Variants in CNTN1 observed in about 807,000 individuals in gnomAD.
The protein encoded by CNTN1 is contactin-1.
A neutral mutation model predicts 126.4 loss-of-function variants in CNTN1; 38 were observed. The observed-to-expected ratio is 0.30, with a 90% confidence interval of 0.23 to 0.39. The LOEUF (loss-of-function observed/expected upper bound fraction) is 0.39. Among genes scored for constraint, CNTN1 ranks in the 10% least tolerant of loss-of-function variants. The probability of loss-of-function intolerance (pLI) is 1.00; values close to 1 mark genes in which losing one functional copy is unlikely to be tolerated. For missense variants in CNTN1, 1,009 were observed against 1,248.4 expected (o/e 0.81, Z 2.89); for synonymous variants, 413 against 422.6 (o/e 0.98, Z 0.28).
intron 1 of CNTN1, among the ~76,000 whole-genome samples, chr12:40,772,473 A>G (rs1939379934): frequency 6.6e-6 from 1 of 151,930 alleles, no homozygotes; most frequent in African/African-American, 2.4e-5. Context: ...GAAGAAGCAA[A>G]ATAGAGGGGA....
At chr12:40,824,431 A>G (rs1173620508) in intron 1 of CNTN1, among the ~76,000 whole-genome samples, 1 of 152,152 alleles carries the variant, frequency 6.6e-6, no homozygotes, top group African/African-American at 2.4e-5. Context: ...AAACTGTGTT[A>G]AGTAATGTAA....
At chr12:40,957,459 T>G (rs1946929905) in intron 14 of CNTN1, among the ~76,000 whole-genome samples, 1 of 151,454 alleles carries the variant, frequency 6.6e-6, no homozygotes, top group Non-Finnish European at 1.5e-5. Context: ...TTTTTTTTTT[T>G]TTGATATAAC....
intron 18 of CNTN1, among the ~76,000 whole-genome samples, chr12:41,015,839 A>G (rs2120739333): frequency 6.6e-6 from 1 of 152,314 alleles, no homozygotes; most frequent in Admixed American, 6.5e-5. Context: ...ATAGGTGATT[A>G]GGGCTGACAT....
At chr12:40,746,490 T>C (rs1050818064) in intron 1 of CNTN1, among the ~76,000 whole-genome samples, 1 of 152,142 alleles carries the variant, frequency 6.6e-6, no homozygotes, top group South Asian at 2.1e-4. Flanking sequence ...GAGTAAAAGT[T>C]TATTTAAAAG....
chr12:40,876,282 T>C lies in CNTN1; in HGVS notation c.-76-32075T>C, dbSNP rs118119250. Among the ~76,000 whole-genome samples, 100 of 152,260 alleles carry C rather than the reference T, an allele frequency of 6.6e-4. 1 individual carries two copies. Among genetic ancestry groups the C allele is most frequent in the Non-Finnish European group, 1.1e-3 (75 of 67,964 alleles). On this transcript the variant is annotated intron_variant, in intron 1 of 23. Coordinates refer to ENST00000551295, the MANE Select transcript of CNTN1 (RefSeq NM_001843.4). ...TGAGAAAGAAAACACTTCAAGTGTT[T>C]AAACATTTCTAAAATCAAATTCAAA... is the stretch of plus-strand genomic sequence containing the variant.
rs36133223 is a variant in CNTN1 at position 40,812,943 on chromosome 12, A to AT, written c.-76-95398dup. 9.9e-3 allele frequency among the ~76,000 whole-genome samples: 1,300 copies of AT among 131,684 alleles called. 15 individuals carry two copies. The highest frequency in any genetic ancestry group is 0.05 in the East Asian group (218 of 4,340). The allele number at this position is 131,684 out of a possible 152,430, so 86.4% of individuals were successfully genotyped here. ...AGGACTTAATACTGCCAGTTTGTTA[A>AT]TTTTTTTTTTTTTTTTGGTTGTTTT... On this transcript the variant is annotated intron_variant, in intron 1 of 23. Coordinates refer to ENST00000551295, the MANE Select transcript of CNTN1 (RefSeq NM_001843.4).
At chr12:40,843,495 C>T (rs534835493) in intron 1 of CNTN1, among the ~76,000 whole-genome samples, 39 of 152,268 alleles carry the variant, frequency 2.6e-4, no homozygotes, top group African/African-American at 9.1e-4. Flanking sequence ...CTGCTTATCT[C>T]TCCATATCCC....
At chr12:40,847,475 A>G (rs1942554496) in intron 1 of CNTN1, among the ~76,000 whole-genome samples, 1 of 152,184 alleles carries the variant, frequency 6.6e-6, no homozygotes, top group Non-Finnish European at 1.5e-5. Context: ...ACTTCAAATC[A>G]GCCAAAACTT....
At chr12:40,879,533 T>A (rs921954940) in intron 1 of CNTN1, among the ~76,000 whole-genome samples, 1 of 152,030 alleles carries the variant, frequency 6.6e-6, no homozygotes, top group African/African-American at 2.4e-5. Flanking sequence ...ATGAGCCAAA[T>A]GATGGGGATT....
At chr12:40,870,644 G>T (rs539945312) in intron 1 of CNTN1, among the ~76,000 whole-genome samples, 1 of 152,094 alleles carries the variant, frequency 6.6e-6, no homozygotes, top group Non-Finnish European at 1.5e-5. Flanking sequence ...TAGATGCTAT[G>T]GTAGGGAAAG....
intron 1 of CNTN1, among the ~76,000 whole-genome samples, chr12:40,699,765 A>T (rs1941549389): frequency 6.6e-6 from 1 of 152,162 alleles, no homozygotes; most frequent in South Asian, 2.1e-4. Flanking sequence ...AGATAAAAAA[A>T]AAAAGCTCAG....
chr12:40,758,227 T>A (rs1197029380), intron 1 of CNTN1, among the ~76,000 whole-genome samples: 1 of 151,746 alleles, frequency 6.6e-6, no homozygotes, highest in African/African-American at 2.4e-5. Flanking sequence ...TTTAAGCCTC[T>A]GGTGTTATGA....
At chr12:41,054,715 A>G (rs1326344152) in intron 23 of CNTN1, among the ~76,000 whole-genome samples, 1 of 152,134 alleles carries the variant, frequency 6.6e-6, no homozygotes, top group Non-Finnish European at 1.5e-5. Flanking sequence ...TCACATTTAA[A>G]GAACTCATTC....
At chr12:40,918,501 T>C in intron 3 of CNTN1, 138 bp from the exon 4 acceptor site, 1 of 751,514 alleles carries the variant, frequency 1.3e-6, no homozygotes. Context: ...CTCAGTATTA[T>C]GGAGGCAAAT....
intron 1 of CNTN1, among the ~76,000 whole-genome samples, chr12:40,789,195 T>C (rs1030342047): frequency 6.6e-6 from 1 of 152,208 alleles, no homozygotes; most frequent in Non-Finnish European, 1.5e-5. Context: ...ATGAAAGTTA[T>C]TACTCTGAGA....
chr12:40,864,433 T>C (rs1239594400), intron 1 of CNTN1, among the ~76,000 whole-genome samples: 1 of 152,164 alleles, frequency 6.6e-6, no homozygotes, highest in Non-Finnish European at 1.5e-5. Flanking sequence ...ATTAATCTAA[T>C]TTCAGAACAT....
rs762942012 is a variant in CNTN1, at chr12:40,720,976, T to TATATATATATATA, written c.-77+28384_-77+28385insATATATATATATA. Reference sequence around the variant, plus strand: ...ATATATATATATATGTGTATATATGTTATAACATATATACACATATATTTA... The same window carrying TATATATATATATA: ...ATATATATATATATGTGTATATATGTATATATATATATATATAACATATATACACATATATTTA... On this transcript the variant is annotated intron_variant, in intron 1 of 23. Transcript: ENST00000551295. 2.6e-3 allele frequency among the ~76,000 whole-genome samples: 387 copies of TATATATATATATA among 150,986 alleles called. 1 individual carries two copies. Among genetic ancestry groups the TATATATATATATA allele is most frequent in the Middle Eastern group, 7.0e-3 (2 of 286 alleles).
In CNTN1 at chr12:40,770,812, C is replaced by T. The variant is rs548601862; in HGVS notation, c.-77+78220C>T. 7.2e-5 allele frequency among the ~76,000 whole-genome samples: 11 copies of T among 152,062 alleles called. No homozygotes were observed. In the South Asian group the frequency reaches 8.3e-4, roughly 11 times the overall value. ...GACTTGATTCATGCTTTTTCTGTTA[C>T]GTGAACTTTATTGGATAGTCTAAAG... On this transcript the variant is annotated intron_variant, in intron 1 of 23. Coordinates refer to ENST00000551295, the MANE Select transcript of CNTN1 (RefSeq NM_001843.4).
chr12:40,776,851 T>G (rs917350827), intron 1 of CNTN1, among the ~76,000 whole-genome samples: 7 of 151,704 alleles, frequency 4.6e-5, no homozygotes, highest in Non-Finnish European at 7.4e-5. Context: ...ATTAAAGCAG[T>G]TTTTGTTTTT....
Sources: allele counts gnomAD v4.1 joint callset (sites outside exome capture counted in the v4.1 genomes callset), GRCh38; gene constraint gnomAD v4.1.1; transcripts MANE v1.5; gene names NCBI Gene and HGNC (gene_info 2026-07-23, HGNC 2026-07-21).